CNTN5: variants seen among roughly 807,000 people sequenced by gnomAD.
CNTN5 encodes the protein contactin 5.
CNTN5 carries 77 observed loss-of-function variants against 129.1 expected under a neutral mutation model. The ratio of observed to expected loss-of-function variants is 0.60; its 90% CI spans 0.50 to 0.72. The LOEUF is 0.72. Among genes scored for constraint, CNTN5 ranks in the 30% least tolerant of loss-of-function variants. CNTN5 has a pLI of 0.00. For missense variants in CNTN5, 1,478 were observed against 1,328.8 expected, an observed-to-expected ratio of 1.11 and a Z score of -1.75; for synonymous variants, 509 against 465.6, an observed-to-expected ratio of 1.09 and a Z score of -1.20.
At chr11:99,542,788 C>A (rs557942271) in intron 2 of CNTN5, among the ~76,000 whole-genome samples, 1 of 152,228 alleles carries the variant, frequency 6.6e-6, no homozygotes, top group Admixed American at 6.5e-5. Flanking sequence ...TGTACCACCA[C>A]CCTGCTCAGT....
At chr11:99,354,031 T>C (rs1201549028) in intron 2 of CNTN5, among the ~76,000 whole-genome samples, 2 of 152,220 alleles carry the variant, frequency 1.3e-5, no homozygotes, top group African/African-American at 4.8e-5. Flanking sequence ...ATATGCTATA[T>C]AATTCATAGC....
intron 9 of CNTN5, among the ~76,000 whole-genome samples, chr11:100,037,341 T>C (rs1942080252): frequency 6.6e-6 from 1 of 151,990 alleles, no homozygotes; most frequent in Admixed American, 6.6e-5. Flanking sequence ...GTGGATAAGC[T>C]TTTTGATGTG....
chr11:99,720,133 T>G (rs768833117), intron 3 of CNTN5, among the ~76,000 whole-genome samples: 12 of 152,146 alleles, frequency 7.9e-5, no homozygotes, highest in Non-Finnish European at 1.3e-4. Context: ...AGAAACTATT[T>G]CAAAAAATTG....
chr11:100,225,208 A>C (rs1211974019), intron 16 of CNTN5: 1 of 153,228 alleles, frequency 6.5e-6, no homozygotes, highest in Non-Finnish European at 1.5e-5. Context: ...ACTACTTCTA[A>C]GTTGGGCTTC....
At chr11:100,004,604 A>G (rs1011908680) in intron 9 of CNTN5, among the ~76,000 whole-genome samples, 5 of 152,192 alleles carry the variant, frequency 3.3e-5, no homozygotes, top group South Asian at 2.1e-4. Context: ...AGACATTTCA[A>G]TAGAATTTAG....
intron 18 of CNTN5, among the ~76,000 whole-genome samples, chr11:100,297,044 A>G (rs1278343554): frequency 6.6e-6 from 1 of 151,594 alleles, no homozygotes; most frequent in Non-Finnish European, 1.5e-5. Context: ...ATAGTTATTC[A>G]TTTGAAAAAG....
intron 1 of CNTN5, among the ~76,000 whole-genome samples, chr11:99,274,076 G>A (rs889330172): frequency 4.0e-5 from 6 of 151,732 alleles, no homozygotes; most frequent in African/African-American, 1.4e-4. Context: ...GTGCTCAGTA[G>A]CCACACGTAG....
intron 1 of CNTN5, among the ~76,000 whole-genome samples, chr11:99,234,577 T>C (rs776016143): frequency 1.3e-5 from 2 of 152,074 alleles, no homozygotes; most frequent in Non-Finnish European, 2.9e-5. Context: ...TGTGAGTATA[T>C]CTCCTCCCTC....
chr11:99,692,744 ACAAAT>A (rs1301237403), intron 3 of CNTN5, among the ~76,000 whole-genome samples: 1 of 152,102 alleles, frequency 6.6e-6, no homozygotes, highest in Non-Finnish European at 1.5e-5. Flanking sequence ...AATTCACAAA[ACAAAT>A]GCGTATTTTA....
rs779901793 is a variant in CNTN5, at chr11:100,255,815, C to T, written c.2061C>T (p.Ala687=). 3.1e-6 allele frequency: 5 copies of T among 1,613,880 alleles called. No homozygotes were observed. Among genetic ancestry groups the T allele is most frequent in the Admixed American group, 3.3e-5 (2 of 60,022 alleles). Residue 687 remains alanine, a synonymous_variant, in exon 17 of 25, where the codon GCC becomes GCT. Transcript: ENST00000524871. ...TTGAGGAAATAACCGAAAGTACGGC[C>T]ACACTGTCCTGGAGCCCAGCAGCTG... ...VIVEEITEST[A]TLSWSPAADN...
intron 8 of CNTN5, among the ~76,000 whole-genome samples, chr11:99,984,330 A>G (rs1276968594): frequency 6.6e-6 from 1 of 151,808 alleles, no homozygotes; most frequent in Non-Finnish European, 1.5e-5. Context: ...GAGAAGAGGA[A>G]GGGAGAAAAG....
chr11:99,148,530 G>C (rs1382283893), intron 1 of CNTN5, among the ~76,000 whole-genome samples: 1 of 152,124 alleles, frequency 6.6e-6, no homozygotes, highest in African/African-American at 2.4e-5. Flanking sequence ...TTTGGGCATG[G>C]TATGGTAATG....
At chr11:99,372,616 GA>G (rs142651740) in intron 2 of CNTN5, among the ~76,000 whole-genome samples, 12 of 146,138 alleles carry the variant, frequency 8.2e-5, no homozygotes, top group Admixed American at 2.7e-4. Flanking sequence ...TTGAAAATGT[GA>G]AAAAAAAAAG....
intron 13 of CNTN5, among the ~76,000 whole-genome samples, chr11:100,155,616 G>A (rs1947213923): frequency 6.6e-6 from 1 of 152,002 alleles, no homozygotes; most frequent in African/African-American, 2.4e-5. Flanking sequence ...TGGGGAGTAT[G>A]GCCATTTTCA....
chr11:99,175,524 A>G (rs1857729791), intron 1 of CNTN5, among the ~76,000 whole-genome samples: 1 of 152,118 alleles, frequency 6.6e-6, no homozygotes, highest in South Asian at 2.1e-4. Context: ...TAAAAATGGA[A>G]TCCTATTCAG....
intron 7 of CNTN5, among the ~76,000 whole-genome samples, chr11:99,939,251 C>T (rs1009022291): frequency 1.1e-3 from 160 of 152,098 alleles, no homozygotes; most frequent in African/African-American, 3.8e-3. Flanking sequence ...TTGCTTCTTC[C>T]TCCTTTATTA....
intron 6 of CNTN5, among the ~76,000 whole-genome samples, chr11:99,913,449 GA>G (rs59569457): frequency 0.073 from 10,885 of 148,604 alleles, 768 homozygotes; most frequent in African/African-American, 0.18. Flanking sequence ...CTTCAAGAAA[GA>G]AAAAAAAAAT....
At chr11:99,815,740 T>C (rs1565562642) in intron 3 of CNTN5, among the ~76,000 whole-genome samples, 2 of 152,152 alleles carry the variant, frequency 1.3e-5, no homozygotes, top group African/African-American at 2.4e-5. Context: ...TCCACTTGAA[T>C]TGATTTAACA....
intron 8 of CNTN5, among the ~76,000 whole-genome samples, chr11:99,968,231 GA>G: frequency 6.6e-6 from 1 of 152,256 alleles, no homozygotes. Context: ...AAAGTGAGTG[GA>G]AATAGATTGA....
Sources: allele counts gnomAD v4.1 joint callset (sites outside exome capture counted in the v4.1 genomes callset), GRCh38; gene constraint gnomAD v4.1.1; transcripts MANE v1.5; gene names NCBI Gene and HGNC (gene_info 2026-07-23, HGNC 2026-07-21).